The following ANO8 variants were observed in gnomAD, a reference collection of about 807,000 sequenced individuals.
The protein encoded by ANO8 is anoctamin 8.
ANO8 carries 67 observed loss-of-function variants against 120.4 expected under a neutral mutation model. The observed-to-expected ratio is 0.56, with a 90% CI of 0.46 to 0.68. ANO8 has a LOEUF of 0.68. Ranked by LOEUF, ANO8 falls within the 30% of genes least tolerant of loss-of-function variation. The pLI, the probability that ANO8 is intolerant of heterozygous loss-of-function variation, is 0.00. For missense variants in ANO8, 1,526 were observed against 1,737.6 expected, an observed-to-expected ratio of 0.88 and a Z score of 2.16; for synonymous variants, 727 against 759.2, an observed-to-expected ratio of 0.96 and a Z score of 0.70.
chr19:17,329,060 G>A, intron 12 of ANO8, 77 bp from the exon 13 acceptor site: 6 of 1,204,352 alleles, frequency 5.0e-6, no homozygotes, highest in South Asian at 3.4e-5. Context: ...CACCCTCCCT[G>A]GGCGCCCCGC....
Position 17,328,862 on chromosome 19 carries a change from GCCAGCTCCCAGACGGCCCGCAGGC to G in ANO8, c.1502_1525del (p.Gly501_Leu508del). ...GCTCAGGAGGCCAAGCAGGGCTCGG[GCCAGCTCCCAGACGGCCCGCAGGC>G]CCAGCTCGCCGCGGCCCAGGCGCCG... On this transcript the variant is annotated inframe_deletion, in exon 13 of 18. Transcript: ENST00000159087. The G allele has an allele frequency of 2.0e-6, 3 of 1,496,550 alleles. No individual in the cohort carries two copies. The highest frequency in any genetic ancestry group is 2.8e-5 in the East Asian group (1 of 35,348). The allele number at this position is 1,496,550 out of a possible 1,614,324, so 92.7% of individuals were successfully genotyped here. A position where few individuals can be genotyped will look rare whatever the true frequency, so the allele number is the denominator to read the frequency against.
At chr19:17,329,909 C>A (rs566583230) in intron 11 of ANO8, 50 bp downstream of exon 11, 2 of 1,613,434 alleles carry the variant, frequency 1.2e-6, no homozygotes, top group Non-Finnish European at 1.7e-6. Context: ...CCCATACAGA[C>A]GGCACAGCTT....
Position 17,330,270 on chromosome 19 carries a change from C to A in ANO8, c.1147-19G>T. ...CCAGCTCCTGCGGGAGAAGGGGGTT[C>A]AGGGCTCATCCCAGCTGCAGGGCTC... is the stretch of plus-strand genomic sequence containing the variant. On this transcript the variant is annotated intron_variant, in intron 9 of 17. Transcript: ENST00000159087. The A allele has an allele frequency of 6.2e-7, 1 of 1,613,822 alleles. No individual in the cohort carries two copies. The highest frequency in any genetic ancestry group is 8.5e-7 in the Non-Finnish European group (1 of 1,179,954).
At chr19:17,324,623 C>G in intron 17 of ANO8, 94 bp downstream of exon 17, 1 of 1,495,208 alleles carries the variant, frequency 6.7e-7, no homozygotes, top group Non-Finnish European at 8.9e-7. Context: ...CCGGGCTTCC[C>G]CTGTCCCCTT....
At chr19:17,331,505 G>T in intron 5 of ANO8, 94 bp from the exon 6 acceptor site, 1 of 1,123,612 alleles carries the variant, frequency 8.9e-7, no homozygotes, top group Non-Finnish European at 1.3e-6. Flanking sequence ...ACAGCTTTTT[G>T]CCTGCTCTTA....
chr19:17,326,774 G>A (rs1837706051), intron 16 of ANO8, among the ~76,000 whole-genome samples: 1 of 152,164 alleles, frequency 6.6e-6, no homozygotes, highest in Non-Finnish European at 1.5e-5. Flanking sequence ...TGCGGAAGAA[G>A]CTGCGCTTCT....
intron 12 of ANO8, 114 bp from the exon 13 acceptor site, chr19:17,329,097 G>T: frequency 1.2e-6 from 1 of 824,752 alleles, no homozygotes; most frequent in Non-Finnish European, 1.7e-6. Flanking sequence ...GACACACGCC[G>T]AATCCGGTTC....
chr19:17,328,877 G>A lies in ANO8; in HGVS notation c.1511C>T (p.Ala504Val). Reference sequence around the variant, plus strand: ...CAGGGCTCGGGCCAGCTCCCAGACGGCCCGCAGGCCCAGCTCGCCGCGGCC... The same window carrying A: ...CAGGGCTCGGGCCAGCTCCCAGACGACCCGCAGGCCCAGCTCGCCGCGGCC... ...RLGRGELGLR[A>V]VWELARALLG... is the part of the protein sequence containing the mutation. Residue 504 changes from alanine (A) to valine (V), a missense_variant, in exon 13 of 18, where the codon GCC becomes GTC. Around this residue, in one of 8 missense-constraint regions of ANO8, gnomAD observed 467 missense variants for 425.8 expected, o/e 1.10. Transcript: ENST00000159087. 6.7e-7 allele frequency: 1 copy of A among 1,500,640 alleles called. No homozygotes were observed. Among genetic ancestry groups the A allele is most frequent in the South Asian group, 1.2e-5 (1 of 80,448 alleles). The allele number at this position is 1,500,640 out of a possible 1,614,324, so 93.0% of individuals were successfully genotyped here.
Position 17,323,436 on chromosome 19 carries a change from G to GCGCATTTTGCATTTTGGAGAC in ANO8, c.*60_*80dup. ...ATACTGGGGGCCCTCGGGGGCTGAA[G>GCGCATTTTGCATTTTGGAGAC]CGCATTTTGCATTTTGGAGACCGGC... On this transcript the variant is annotated 3_prime_UTR_variant, in exon 18 of 18. Transcript: ENST00000159087. 7.9e-7 allele frequency: 1 copy of GCGCATTTTGCATTTTGGAGAC among 1,269,824 alleles called. No individual in the cohort carries two copies. The highest frequency in any genetic ancestry group is 1.0e-6 in the Non-Finnish European group (1 of 1,003,362). 78.7% of individuals were successfully genotyped at this position (1,269,824 alleles called of 1,614,324 possible).
chr19:17,330,999 G>T lies in ANO8; in HGVS notation c.832-10C>A. 1 of 1,614,176 alleles carries T rather than the reference G, an allele frequency of 6.2e-7. No individual in the cohort carries two copies. ...AAACATCCCGGCTTGTCTGTGAGTG[G>T]CAGAGAAGAGTTGAGTCATTGTTTG... On this transcript the variant is annotated splice_polypyrimidine_tract_variant and intron_variant, in intron 7 of 17. Transcript: ENST00000159087.
chr19:17,328,190 T>C lies in ANO8; in HGVS notation c.2198A>G (p.Glu733Gly). 1 of 1,596,156 alleles carries C rather than the reference T, an allele frequency of 6.3e-7. No individual in the cohort carries two copies. The highest frequency in any genetic ancestry group is 8.6e-7 in the Non-Finnish European group (1 of 1,167,826). The part of the protein sequence containing the change: ...EEHSPQLTQA[E>G]LESCMKKYED... ...GTACTTCTTCATACAGCTCTCCAGC[T>C]CTGCCTGGGTGAGCTGGGGCGAGTG... The change falls in exon 13 of 18, where the codon GAG becomes GGG. Residue 733 changes from glutamate to glycine, a missense_variant. Physicochemically the swap from Glu to Gly is moderately conservative, Grantham distance 98. This residue lies in a region of ANO8 where 467 missense variants were observed against 425.8 expected (regional missense o/e 1.10). Coordinates refer to ENST00000159087, the MANE Select transcript of ANO8 (RefSeq NM_020959.3).
At chr19:17,334,206 C>T (rs1297946978) in intron 1 of ANO8, among the ~76,000 whole-genome samples, 2 of 152,242 alleles carry the variant, frequency 1.3e-5, no homozygotes, top group Non-Finnish European at 2.9e-5. Context: ...AGTCACGCGC[C>T]CAAGGTCACA....
intron 8 of ANO8, 48 bp downstream of exon 8, chr19:17,330,780 T>C (rs1568361376): frequency 6.4e-7 from 1 of 1,574,196 alleles, no homozygotes; most frequent in Non-Finnish European, 8.6e-7. Flanking sequence ...CCCCCCACCA[T>C]TTACCTTTGT....
rs1599553216 is a variant in ANO8, at chr19:17,334,562, T to G, written c.106+3A>C. On this transcript the variant is annotated splice_donor_region_variant and intron_variant, in intron 1 of 17. Transcript: ENST00000159087. ...CTGTCTGGTCCAGCCGCCGCACACA[T>G]ACCCAGAACTCCGGACGCCGGGGCT... The G allele has an allele frequency of 6.5e-7, 1 of 1,549,792 alleles. No homozygotes were observed. The highest frequency in any genetic ancestry group is 8.7e-7 in the Non-Finnish European group (1 of 1,155,378).
In ANO8 at chr19:17,334,602, C is replaced by A. The variant is rs540772986; in HGVS notation, c.69G>T (p.Pro23=). 6.5e-7 allele frequency: 1 copy of A among 1,542,852 alleles called. No homozygotes were observed. The highest frequency in any genetic ancestry group is 2.6e-5 in the East Asian group (1 of 38,898). The part of the protein sequence containing the change: ...LEGERGKRPP[P]EGEPAAPASG... ...ACGCCGGGGCTGCAGGCTCGCCCTC[C>A]GGCGGGGGCCTCTTGCCACGCTCGC... The change falls in exon 1 of 18, where the codon CCG becomes CCT. Residue 23 remains proline (P), a synonymous_variant. Coordinates refer to ENST00000159087, the MANE Select transcript of ANO8 (RefSeq NM_020959.3).
Position 17,324,418 on chromosome 19 carries a change from C to T in ANO8, c.3331+299G>A, listed in dbSNP as rs1182435417. 3.3e-5 allele frequency among the ~76,000 whole-genome samples: 5 copies of T among 152,138 alleles called. No individual in the cohort carries two copies. In the South Asian group the frequency reaches 8.3e-4, roughly 25 times the overall value. On this transcript the variant is annotated intron_variant, in intron 17 of 17. Coordinates refer to ENST00000159087, the MANE Select transcript of ANO8 (RefSeq NM_020959.3). ...AAGGGTGGGCTGGTTGGGAAACAGG[C>T]CTCCCTCATCTCTCCTGGCACCGGA...
At chr19:17,326,058 G>A (rs542959563) in intron 16 of ANO8, among the ~76,000 whole-genome samples, 1 of 152,322 alleles carries the variant, frequency 6.6e-6, no homozygotes, top group East Asian at 1.9e-4. Context: ...GACCCACGCC[G>A]GTACTTTCTG....
chr19:17,330,997 T>G lies in ANO8; in HGVS notation c.832-8A>C. 1 of 1,613,992 alleles carries G rather than the reference T, an allele frequency of 6.2e-7. No individual in the cohort carries two copies. The highest frequency in any genetic ancestry group is 8.5e-7 in the Non-Finnish European group (1 of 1,179,982). The stretch of plus-strand genomic sequence containing the variant: ...GGAAACATCCCGGCTTGTCTGTGAG[T>G]GGCAGAGAAGAGTTGAGTCATTGTT... On this transcript the variant is annotated splice_polypyrimidine_tract_variant and splice_region_variant and intron_variant, in intron 7 of 17. Coordinates refer to ENST00000159087, the MANE Select transcript of ANO8 (RefSeq NM_020959.3).
chr19:17,323,827 G>T lies in ANO8; in HGVS notation c.3389C>A (p.Pro1130His). 8.8e-7 allele frequency: 1 copy of T among 1,135,114 alleles called. No homozygotes were observed. The highest frequency in any genetic ancestry group is 1.1e-6 in the Non-Finnish European group (1 of 925,994). The allele number at this position is 1,135,114 out of a possible 1,614,324, so 70.3% of individuals were successfully genotyped here. ...CAGCGGCATTGGCGGCGGCGGCGCG[G>T]GGCTCCGGCTGCGGCGGGTGCGGAG... ...PALRTRRSRS[P>H]APPPPMPLPR... Residue 1130 changes from proline (P) to histidine (H), a missense_variant, in exon 18 of 18, where the codon CCC becomes CAC. By Grantham distance (77) the Pro-to-His change is moderately conservative. Around this residue, in one of 8 missense-constraint regions of ANO8, gnomAD observed 489 missense variants for 548.6 expected, o/e 0.89. Coordinates refer to ENST00000159087, the MANE Select transcript of ANO8 (RefSeq NM_020959.3).
Sources: gnomAD v4.1 joint callset for allele counts (sites outside exome capture counted in the v4.1 genomes callset) on GRCh38, gnomAD v4.1.1 for gene constraint, gnomAD v4.1.1 regional missense constraint, MANE v1.5 for transcripts, NCBI Gene and HGNC (gene_info 2026-07-23, HGNC 2026-07-21) for gene names.